Variants in PSG8 observed in about 807,000 individuals in gnomAD.
PSG8 encodes pregnancy-specific beta-1-glycoprotein 8.
In PSG8, 57 loss-of-function variants were observed where a neutral mutation model predicts 42.5. The ratio of observed to expected loss-of-function variants is 1.34; its 90% CI spans 1.08 to 1.67. The LOEUF (loss-of-function observed/expected upper bound fraction) is 1.67. PSG8 is among the 40% of genes most tolerant of loss of function. PSG8 has a pLI of 0.00. For synonymous variants in PSG8, 280 were observed against 196.8 expected (o/e 1.42, Z -3.54); for missense variants, 783 against 518.6 (o/e 1.51, Z -4.95).
chr19:42,765,487 C>T lies in PSG8; in HGVS notation c.64+31G>A, dbSNP rs748878349. ...CCATCCAGTCACTCTGCTTCCTCCT[C>T]CTGTCCTCTCCCAGGAGGTTCTCTC... is the stretch of plus-strand genomic sequence containing the variant. On this transcript the variant is annotated intron_variant, in intron 1 of 4. Transcript: ENST00000306511. 96 of 1,608,234 alleles carry T rather than the reference C, an allele frequency of 6.0e-5. No homozygotes were observed. In the Admixed American group the frequency reaches 1.6e-3, roughly 26 times the overall value.
intron 2 of PSG8, among the ~76,000 whole-genome samples, chr19:42,759,386 A>G (rs1464763253): frequency 1.3e-5 from 2 of 152,152 alleles, no homozygotes; most frequent in African/African-American, 2.4e-5. Flanking sequence ...AGGAGGTTCT[A>G]GAGATCTCCT....
intron 2 of PSG8, among the ~76,000 whole-genome samples, chr19:42,761,563 G>A (rs1291043666): frequency 6.6e-6 from 1 of 152,030 alleles, no homozygotes; most frequent in Admixed American, 6.6e-5. Context: ...ATGACTAATG[G>A]CTCAGCCAGT....
chr19:42,758,126 C>G lies in PSG8; in HGVS notation c.585G>C (p.Leu195Phe), dbSNP rs138201287. The change falls in exon 3 of 5, where the codon TTG becomes TTC. Residue 195 changes from leucine (L) to phenylalanine (F), a missense_variant. By Grantham distance (22) the Leu-to-Phe change is conservative. Transcript: ENST00000306511. ...QSLPMSHRLQLSETNRTLFLL... is the reference protein window; with the variant it reads ...QSLPMSHRLQFSETNRTLFLL... ...GAAAGAGGGTCCTGTTGGTTTCAGA[C>G]AACTGCAACCTGTGAGACATAGGGA... The G allele has an allele frequency of 4.3e-6, 7 of 1,614,008 alleles. No homozygotes were observed. Among genetic ancestry groups the G allele is most frequent in the Non-Finnish European group, 5.9e-6 (7 of 1,179,964 alleles).
At chr19:42,757,785 A>G (rs1969964675) in intron 3 of PSG8, among the ~76,000 whole-genome samples, 1 of 152,118 alleles carries the variant, frequency 6.6e-6, no homozygotes, top group Admixed American at 6.5e-5. Context: ...CAAGCTGTGG[A>G]CGCTGAGTCT....
At chr19:42,765,459 A>G in intron 1 of PSG8, 59 bp downstream of exon 1, 1 of 1,600,646 alleles carries the variant, frequency 6.2e-7, no homozygotes, top group Non-Finnish European at 8.5e-7. Flanking sequence ...TCTCAAGGAG[A>G]CCCCATCCAG....
At chr19:42,756,112 A>G (rs1293749579) in intron 3 of PSG8, 1 of 152,250 alleles carries the variant, frequency 6.6e-6, no homozygotes, top group Admixed American at 6.5e-5. Context: ...AAGGGTGGGA[A>G]GGATCTGCTG....
intron 4 of PSG8, 35 bp from the exon 5 acceptor site, chr19:42,754,622 A>C: frequency 4.4e-6 from 7 of 1,592,846 alleles, no homozygotes; most frequent in Middle Eastern, 1.7e-4. Flanking sequence ...AGGTGATGTC[A>C]TCTGAGGGAA....
chr19:42,763,526 G>T (rs908183937), intron 2 of PSG8, among the ~76,000 whole-genome samples: 1 of 152,158 alleles, frequency 6.6e-6, no homozygotes, highest in Non-Finnish European at 1.5e-5. Flanking sequence ...CACTGTTCTG[G>T]GGGTGAGGCT....
intron 2 of PSG8, among the ~76,000 whole-genome samples, chr19:42,762,929 A>G (rs1600420107): frequency 6.6e-6 from 1 of 152,056 alleles, no homozygotes. Flanking sequence ...CTGCGGACAC[A>G]CCTCATGTGA....
At chr19:42,756,786 C>T (rs1410181806) in intron 3 of PSG8, among the ~76,000 whole-genome samples, 1 of 151,898 alleles carries the variant, frequency 6.6e-6, no homozygotes, top group Non-Finnish European at 1.5e-5. Context: ...TTCATGGTTG[C>T]CTCTTTTTCT....
At position 42,763,975 on chromosome 19, in the gene PSG8, A is replaced by G. The variant is rs1600421907; in HGVS notation, c.371T>C (p.Ile124Thr). The change falls in exon 2 of 5, where the codon ATC (isoleucine) becomes ACC (threonine). Residue 124 changes from isoleucine (I) to threonine (T), a missense_variant. By Grantham distance (89) the Ile-to-Thr change is moderately conservative. Transcript: ENST00000306511. ...TCTATTCTCATCACCTCCCATTATG[A>G]TGTGTAAGGTGTAGGATCCTGCGTC... ...QEDAGSYTLH[I>T]IMGGDENRGV... 1.9e-6 allele frequency: 3 copies of G among 1,611,950 alleles called. No individual in the cohort carries two copies. The highest frequency in any genetic ancestry group is 1.7e-6 in the Non-Finnish European group (2 of 1,179,562).
At chr19:42,762,621 G>T (rs1276119912) in intron 2 of PSG8, among the ~76,000 whole-genome samples, 1 of 151,830 alleles carries the variant, frequency 6.6e-6, no homozygotes, top group South Asian at 2.1e-4. Context: ...GGAAAGAAAA[G>T]GTCCTCTCCT....
chr19:42,764,946 T>C (rs1250702753), intron 1 of PSG8, among the ~76,000 whole-genome samples: 1 of 152,086 alleles, frequency 6.6e-6, no homozygotes, highest in African/African-American at 2.4e-5. Flanking sequence ...TGTATATTTT[T>C]ATGTGAAGTG....
rs940413217 is a variant in PSG8, at chr19:42,755,127, A to T, written c.849T>A (p.Ser283Arg). The T allele has an allele frequency of 6.2e-7, 1 of 1,611,738 alleles. No homozygotes were observed. The highest frequency in any genetic ancestry group is 1.3e-5 in the African/African-American group (1 of 74,802). Residue 283 changes from serine to arginine, a missense_variant, in exon 4 of 5, where the codon AGT becomes AGA. Coordinates refer to ENST00000306511, the MANE Select transcript of PSG8 (RefSeq NM_182707.3). Reference sequence around the variant, plus strand: ...TTTCAATGGGTCGCTTTACCCTGGGACTGACCGGGAGGCTCTGACCATTTA... The same window carrying T: ...TTTCAATGGGTCGCTTTACCCTGGGTCTGACCGGGAGGCTCTGACCATTTA... ...WWLNGQSLPVSPRVKRPIENR... is the reference protein window; with the variant it reads ...WWLNGQSLPVRPRVKRPIENR...
intron 2 of PSG8, among the ~76,000 whole-genome samples, chr19:42,760,810 C>T (rs914941591): frequency 1.3e-5 from 2 of 152,136 alleles, no homozygotes; most frequent in Non-Finnish European, 2.9e-5. Context: ...TCTCTATCTC[C>T]TGACCTTGTG....
At chr19:42,759,363 G>A (rs1433726199) in intron 2 of PSG8, among the ~76,000 whole-genome samples, 3 of 152,166 alleles carry the variant, frequency 2.0e-5, no homozygotes, top group Non-Finnish European at 4.4e-5. Flanking sequence ...TGCAGTTTCA[G>A]TTATGCAGGA....
In PSG8 at chr19:42,754,471, T is replaced by C; in HGVS notation, c.1105A>G (p.Asn369Asp). Residue 369 changes from asparagine (N) to aspartate (D), a missense_variant, in exon 5 of 5, where the codon AAT (asparagine) becomes GAT (aspartate). Physicochemically the swap from Asn to Asp is conservative, Grantham distance 23. Coordinates refer to ENST00000306511, the MANE Select transcript of PSG8 (RefSeq NM_182707.3). ...TGTCCTGATAGCTGAAACTTCCCAT[T>C]AATTGTCCAAGAATACTGTGCCGGT... ...NPPAQYSWTINGKFQLSGQKL... is the reference protein window; with the variant it reads ...NPPAQYSWTIDGKFQLSGQKL... The C allele has an allele frequency of 6.2e-7, 1 of 1,613,906 alleles. No individual in the cohort carries two copies. Among genetic ancestry groups the C allele is most frequent in the Non-Finnish European group, 8.5e-7 (1 of 1,179,880 alleles).
intron 4 of PSG8, 176 bp from the exon 5 acceptor site, chr19:42,754,763 A>G: frequency 7.3e-7 from 1 of 1,371,394 alleles, no homozygotes; most frequent in East Asian, 2.4e-5. Flanking sequence ...TCCCATCACA[A>G]GCTGTGGGCC....
Position 42,763,977 on chromosome 19 carries a change from G to A in PSG8, c.369C>T (p.His123=), listed in dbSNP as rs1488967222. The change falls in exon 2 of 5, where the codon CAC becomes CAT. Residue 123 remains histidine, a synonymous_variant. Coordinates refer to ENST00000306511, the MANE Select transcript of PSG8 (RefSeq NM_182707.3). ...TQEDAGSYTL[H]IIMGGDENRG... ...TATTCTCATCACCTCCCATTATGAT[G>A]TGTAAGGTGTAGGATCCTGCGTCTT... 4 of 1,611,558 alleles carry A rather than the reference G, an allele frequency of 2.5e-6. No individual in the cohort carries two copies. The highest frequency in any genetic ancestry group is 1.1e-5 in the South Asian group (1 of 91,002).
Sources: gnomAD v4.1 joint callset for allele counts (sites outside exome capture counted in the v4.1 genomes callset) on GRCh38, gnomAD v4.1.1 for gene constraint, MANE v1.5 for transcripts, NCBI Gene and HGNC (gene_info 2026-07-23, HGNC 2026-07-21) for gene names.